TMEM117: variants seen among roughly 807,000 people sequenced by gnomAD.
TMEM117 encodes transmembrane protein 117.
TMEM117 carries 27 observed loss-of-function variants against 52.4 expected under a neutral mutation model. The observed-to-expected ratio is 0.51, with a 90% CI of 0.38 to 0.71. The LOEUF is 0.71. TMEM117 is among the 30% of genes least tolerant of loss of function. The pLI is 0.00. For synonymous variants in TMEM117, 215 were observed against 206.3 expected, an observed-to-expected ratio of 1.04 and a Z score of -0.36; for missense variants, 556 against 630.5, an observed-to-expected ratio of 0.88 and a Z score of 1.26.
Position 44,057,468 on chromosome 12 carries a change from A to G in TMEM117, c.411-86057A>G, listed in dbSNP as rs183486276. Among the ~76,000 whole-genome samples, 223 of 152,170 alleles carry G rather than the reference A, an allele frequency of 1.5e-3. 3 individuals carry two copies. The highest frequency in any genetic ancestry group is 5.0e-3 in the African/African-American group (207 of 41,524). On this transcript the variant is annotated intron_variant, in intron 3 of 7. Transcript: ENST00000266534. ...TACCCAAAAACCGCAAGCACATACC[A>G]TTTCTGTCTCTGAAAGGGAGTGAAA... is the stretch of plus-strand genomic sequence containing the variant.
At chr12:44,363,286 T>C (rs1332133028) in intron 6 of TMEM117, among the ~76,000 whole-genome samples, 2 of 152,092 alleles carry the variant, frequency 1.3e-5, no homozygotes, top group Non-Finnish European at 2.9e-5. Flanking sequence ...AACAAAGAAA[T>C]ATATGTAAAA....
At chr12:43,841,574 G>A (rs1229316842) in intron 1 of TMEM117, among the ~76,000 whole-genome samples, 1 of 152,124 alleles carries the variant, frequency 6.6e-6, no homozygotes, top group East Asian at 1.9e-4. Flanking sequence ...TGAGCATGTG[G>A]ACATTACATA....
chr12:43,806,403 C>G, the TMEM117 span: 1 of 1,156,234 alleles, frequency 8.6e-7, no homozygotes, highest in Non-Finnish European at 1.1e-6. Context: ...GCCCGAGCGT[C>G]CCCGCCGCCC....
chr12:44,052,629 A>T (rs1946991880), intron 3 of TMEM117, among the ~76,000 whole-genome samples: 1 of 152,050 alleles, frequency 6.6e-6, no homozygotes, highest in African/African-American at 2.4e-5. Flanking sequence ...TGGTGTCTCT[A>T]CCCTGTCTCA....
intron 6 of TMEM117, among the ~76,000 whole-genome samples, chr12:44,304,784 C>G (rs1950884139): frequency 3.3e-5 from 5 of 152,180 alleles, no homozygotes; most frequent in Admixed American, 2.6e-4. Flanking sequence ...CTAAAGGGCC[C>G]TTGGGCCTTA....
chr12:44,135,843 A>T (rs767898140), intron 3 of TMEM117, among the ~76,000 whole-genome samples: 1 of 152,152 alleles, frequency 6.6e-6, no homozygotes, highest in Non-Finnish European at 1.5e-5. Flanking sequence ...CATTATTTTG[A>T]TCATTTGCAA....
intron 2 of TMEM117, among the ~76,000 whole-genome samples, chr12:43,872,526 T>A (rs1943724463): frequency 6.6e-6 from 1 of 152,194 alleles, no homozygotes; most frequent in Non-Finnish European, 1.5e-5. Context: ...TTTCAAATAC[T>A]TATTTTTTCA....
At chr12:44,139,428 ATC>A (rs1948539486) in intron 3 of TMEM117, among the ~76,000 whole-genome samples, 1 of 151,972 alleles carries the variant, frequency 6.6e-6, no homozygotes, top group Admixed American at 6.6e-5. Context: ...TAGGCTTGGT[ATC>A]TCGTATTGTC....
intron 3 of TMEM117, among the ~76,000 whole-genome samples, chr12:44,007,038 T>C (rs1946209034): frequency 6.6e-6 from 1 of 152,146 alleles, no homozygotes; most frequent in South Asian, 2.1e-4. Flanking sequence ...GTAATACAAG[T>C]CCCCTTTCAA....
chr12:43,917,740 C>A (rs941669604), intron 2 of TMEM117, among the ~76,000 whole-genome samples: 18 of 152,018 alleles, frequency 1.2e-4, no homozygotes. Context: ...TTTTAGGATT[C>A]TTTTAAAGAT....
At chr12:44,225,984 TCTGA>T (rs58278462) in intron 5 of TMEM117, among the ~76,000 whole-genome samples, 16,111 of 152,206 alleles carry the variant, frequency 0.11, 930 homozygotes, top group Middle Eastern at 0.2. Context: ...ACTCAATTTA[TCTGA>T]CTAACGTCGC....
At chr12:44,272,555 C>T (rs897309165) in intron 5 of TMEM117, among the ~76,000 whole-genome samples, 4 of 152,162 alleles carry the variant, frequency 2.6e-5, no homozygotes, top group East Asian at 1.9e-4. Context: ...AACAAGTGGG[C>T]GAAGGATATG....
chr12:44,118,399 G>A (rs1194417974), intron 3 of TMEM117, among the ~76,000 whole-genome samples: 2 of 152,110 alleles, frequency 1.3e-5, no homozygotes, highest in Admixed American at 1.3e-4. Flanking sequence ...GGGGAAGGAT[G>A]GAAAGAAGAG....
At chr12:43,937,385 T>G (rs930015270) in intron 2 of TMEM117, among the ~76,000 whole-genome samples, 2 of 152,234 alleles carry the variant, frequency 1.3e-5, no homozygotes, top group African/African-American at 4.8e-5. Context: ...ATCATGATTG[T>G]GTAGTGGCTT....
intron 5 of TMEM117, among the ~76,000 whole-genome samples, chr12:44,283,179 A>G (rs1207931075): frequency 2.6e-5 from 4 of 152,218 alleles, no homozygotes; most frequent in Admixed American, 1.3e-4. Context: ...TTGCTAGGGC[A>G]GTGCAGAAGG....
intron 6 of TMEM117, among the ~76,000 whole-genome samples, chr12:44,349,860 C>G (rs1012654739): frequency 4.6e-5 from 7 of 152,156 alleles, no homozygotes; most frequent in Admixed American, 3.3e-4. Flanking sequence ...TAGTCCTTGC[C>G]TTCAAGTTAC....
Position 44,152,351 on chromosome 12 carries a change from T to G in TMEM117, c.510+8727T>G, listed in dbSNP as rs1312529760. ...TATATATATTATATATAAATTTATATATTTATATGTATTATATCATATATA... is the reference window on the plus strand; with the variant it reads ...TATATATATTATATATAAATTTATAGATTTATATGTATTATATCATATATA... On this transcript the variant is annotated intron_variant, in intron 4 of 7. Transcript: ENST00000266534. Among the ~76,000 whole-genome samples the G allele has an allele frequency of 8.9e-5, 10 of 111,776 alleles. No individual in the cohort carries two copies. The East Asian group carries it at 2.6e-3, about 29-fold the overall frequency. 73.3% of individuals were successfully genotyped at this position (111,776 alleles called of 152,430 possible). A position where few individuals can be genotyped will look rare whatever the true frequency, so the allele number is the denominator to read the frequency against.
At chr12:43,908,163 C>T (rs1364321087) in intron 2 of TMEM117, among the ~76,000 whole-genome samples, 1 of 66,924 alleles carries the variant, frequency 1.5e-5, no homozygotes, top group African/African-American at 3.1e-5. Context: ...AGAAACTCTA[C>T]AAGCCAGAAG....
intron 3 of TMEM117, among the ~76,000 whole-genome samples, chr12:44,099,709 T>G (rs985687946): frequency 1.3e-5 from 2 of 151,988 alleles, no homozygotes; most frequent in African/African-American, 4.8e-5. Context: ...GTCTAGAGTT[T>G]AGAATTTCAA....
Sources: allele counts gnomAD v4.1 joint callset (sites outside exome capture counted in the v4.1 genomes callset), GRCh38; gene constraint gnomAD v4.1.1; transcripts MANE v1.5; gene names NCBI Gene and HGNC (gene_info 2026-07-23, HGNC 2026-07-21).